CRTAC1: variants seen among roughly 807,000 people sequenced by gnomAD.
The protein encoded by CRTAC1 is acidic secreted protein in cartilage.
CRTAC1 carries 37 observed loss-of-function variants against 67.8 expected under a neutral mutation model. The ratio of observed to expected loss-of-function variants is 0.55; its 90% CI spans 0.42 to 0.72. CRTAC1 has a LOEUF of 0.72. CRTAC1 is among the 30% of genes least tolerant of loss of function. The pLI is 0.00. For synonymous variants in CRTAC1, 348 were observed against 371.0 expected, an observed-to-expected ratio of 0.94 and a Z score of 0.71; for missense variants, 780 against 931.6, an observed-to-expected ratio of 0.84 and a Z score of 2.12.
chr10:97,870,380 T>C (rs1217851691), intron 14 of CRTAC1: 1 of 152,254 alleles, frequency 6.6e-6, no homozygotes, highest in South Asian at 2.1e-4. Flanking sequence ...ATTCCCCTTA[T>C]ATGAAACTGA....
chr10:97,893,655 A>G lies in CRTAC1; in HGVS notation c.1486+1590T>C, dbSNP rs115576382. Among the ~76,000 whole-genome samples the G allele has an allele frequency of 2.4e-3, 359 of 152,262 alleles. 2 individuals are homozygous for G. Among genetic ancestry groups the G allele is most frequent in the Middle Eastern group, 0.01 (3 of 294 alleles). On this transcript the variant is annotated intron_variant, in intron 11 of 14. Transcript: ENST00000370597. ...TGCGCCCTTCACCCAGTTTCACCCA[A>G]TGGTTGCAGGTTGCCTACCCAGGGA...
intron 3 of CRTAC1, among the ~76,000 whole-genome samples, chr10:97,924,449 AGAGGCAGCAGGCTTAGACT>A (rs2050884899): frequency 6.6e-6 from 1 of 152,168 alleles, no homozygotes; most frequent in African/African-American, 2.4e-5. Context: ...GGGCCAGGGA[AGAGGCAGCAGGCTTAGACT>A]GAGGAGAGAC....
chr10:97,896,939 C>T lies in CRTAC1; in HGVS notation c.1186G>A (p.Asp396Asn), dbSNP rs750669625. The T allele has an allele frequency of 8.7e-5, 136 of 1,559,410 alleles. No homozygotes were observed. Among genetic ancestry groups the T allele is most frequent in the Non-Finnish European group, 1.0e-4 (116 of 1,150,908 alleles). Residue 396 changes from aspartate (D) to asparagine (N), a missense_variant, in exon 9 of 15, where the codon GAC (aspartate) becomes AAC (asparagine). Physicochemically the swap from Asp to Asn is conservative, Grantham distance 23 (BLOSUM62 1). Transcript: ENST00000370597. ...CCCCGGCCCTCAGGCTCCAAGGCGT[C>T]GCCGGGATTGAGCTCCTCGATGAGG... Reference protein sequence around the residue: ...DPLIEELNPGDALEPEGRGTG... With the variant: ...DPLIEELNPGNALEPEGRGTG...
rs528765377 is a variant in CRTAC1 at position 97,967,636 on chromosome 10, C to T, written c.225-31270G>A. 7.9e-5 allele frequency among the ~76,000 whole-genome samples: 12 copies of T among 152,200 alleles called. 1 individual carries two copies. In the South Asian group the frequency reaches 2.5e-3, roughly 32 times the overall value. On this transcript the variant is annotated intron_variant, in intron 2 of 14. Coordinates refer to ENST00000370597, the MANE Select transcript of CRTAC1 (RefSeq NM_018058.7). ...ATCTATATTATGTTCACACTGTCTC[C>T]AACTCTAATCCATTACCACATGAAT...
chr10:97,882,697 G>A, intron 13 of CRTAC1, 89 bp downstream of exon 13: 1 of 1,426,266 alleles, frequency 7.0e-7, no homozygotes, highest in Non-Finnish European at 9.9e-7. Context: ...CCCCTTGCTT[G>A]CACCCTGGAC....
intron 6 of CRTAC1, among the ~76,000 whole-genome samples, 160 bp from the exon 7 acceptor site, chr10:97,904,974 A>G (rs1424876427): frequency 6.6e-6 from 1 of 152,118 alleles, no homozygotes; most frequent in African/African-American, 2.4e-5. Context: ...GAAGCTCTCT[A>G]TAGGGGCAGG....
chr10:97,944,307 C>T (rs2136623925), intron 2 of CRTAC1, among the ~76,000 whole-genome samples: 1 of 152,140 alleles, frequency 6.6e-6, no homozygotes, highest in Middle Eastern at 3.4e-3. Context: ...GGTGCACACC[C>T]TGTAATCCCA....
intron 2 of CRTAC1, among the ~76,000 whole-genome samples, chr10:97,976,681 A>G (rs2051809415): frequency 6.6e-6 from 1 of 152,216 alleles, no homozygotes; most frequent in Non-Finnish European, 1.5e-5. Context: ...AAATTGTTCC[A>G]GACTTCTTCA....
At chr10:97,972,230 C>T (rs962354208) in intron 2 of CRTAC1, among the ~76,000 whole-genome samples, 1 of 152,300 alleles carries the variant, frequency 6.6e-6, no homozygotes, top group African/African-American at 2.4e-5. Context: ...AAAGAGAGTA[C>T]CATGAGTCAG....
In CRTAC1 at chr10:97,889,023, C is replaced by T. The variant is rs191891857; in HGVS notation, c.1487-4672G>A. 3.2e-3 allele frequency among the ~76,000 whole-genome samples: 489 copies of T among 151,860 alleles called. 4 individuals are homozygous for T. The highest frequency in any genetic ancestry group is 0.011 in the African/African-American group (463 of 41,398). On this transcript the variant is annotated intron_variant, in intron 11 of 14. Transcript: ENST00000370597. ...TTCCCTAAATGAGCATCAGCCGGCTCGGAGAGGCAGCTCTGAGTCACCTGC... is the reference window on the plus strand; with the variant it reads ...TTCCCTAAATGAGCATCAGCCGGCTTGGAGAGGCAGCTCTGAGTCACCTGC...
At chr10:97,878,549 CTA>C (rs2050172916) in intron 14 of CRTAC1, 24 of 1,241,684 alleles carry the variant, frequency 1.9e-5, no homozygotes, top group Non-Finnish European at 2.4e-5. Flanking sequence ...AAGAATAGAT[CTA>C]TGTTTTATAA....
intron 2 of CRTAC1, among the ~76,000 whole-genome samples, chr10:97,980,548 A>T (rs1267761455): frequency 1.3e-5 from 2 of 152,214 alleles, no homozygotes; most frequent in Non-Finnish European, 1.5e-5. Context: ...GGTGCTTGGG[A>T]CTAATGAGGT....
intron 11 of CRTAC1, among the ~76,000 whole-genome samples, chr10:97,890,117 A>ACACACT (rs1491213037): frequency 7.1e-6 from 1 of 141,684 alleles, no homozygotes; most frequent in African/African-American, 2.6e-5. Flanking sequence ...ACACACACAC[A>ACACACT]CTCTCACACG....
chr10:97,901,661 G>T (rs1380484836), intron 7 of CRTAC1, 22 bp from the exon 8 acceptor site: 2 of 1,613,914 alleles, frequency 1.2e-6, no homozygotes. Flanking sequence ...AAGGCTGGGG[G>T]TCAGTGGCAG....
chr10:98,008,736 A>T (rs987962164), intron 2 of CRTAC1, among the ~76,000 whole-genome samples: 3 of 152,122 alleles, frequency 2.0e-5, no homozygotes, highest in African/African-American at 7.2e-5. Context: ...ACCTGAGGGA[A>T]TACGAGAGTA....
chr10:97,950,240 C>CAGAGAGAGAGGGAG (rs1336847727), intron 2 of CRTAC1, among the ~76,000 whole-genome samples: 19 of 104,224 alleles, frequency 1.8e-4, no homozygotes, highest in African/African-American at 5.5e-4. Context: ...CGTGCACACA[C>CAGAGAGAGAGGGAG]ACACACAGAG....
chr10:97,895,956 C>T lies in CRTAC1; in HGVS notation c.1246G>A (p.Gly416Arg), dbSNP rs1234751891. The T allele has an allele frequency of 5.0e-6, 8 of 1,614,098 alleles. No homozygotes were observed. The highest frequency in any genetic ancestry group is 2.2e-5 in the East Asian group (1 of 44,868). Reference protein sequence around the residue: ...GGVVTDFDGDGMLDLILSHGE... With the variant: ...GGVVTDFDGDRMLDLILSHGE... ...TGGGACAAGATGAGGTCCAGCATCC[C>T]GTCTCCGTCGAAGTCGGTCACCACA... Residue 416 changes from glycine (G) to arginine (R), a missense_variant, in exon 10 of 15, where the codon GGG becomes AGG. By Grantham distance (125) the Gly-to-Arg change is moderately radical. Coordinates refer to ENST00000370597, the MANE Select transcript of CRTAC1 (RefSeq NM_018058.7). The surrounding 1 kb of genome is among the most constrained non-coding windows in gnomAD (Gnocchi z 4.2).
intron 1 of CRTAC1, among the ~76,000 whole-genome samples, chr10:98,024,784 C>A (rs1843192747): frequency 1.5e-5 from 1 of 65,464 alleles, no homozygotes; most frequent in Non-Finnish European, 2.8e-5. Flanking sequence ...TGCTCTAAGA[C>A]CACCTCTCCA....
chr10:97,938,089 T>C (rs2051118175), intron 2 of CRTAC1, among the ~76,000 whole-genome samples: 1 of 152,072 alleles, frequency 6.6e-6, no homozygotes, highest in South Asian at 2.1e-4. Flanking sequence ...CCATAGGGTG[T>C]GAAAGGAGAG....
Sources: allele counts gnomAD v4.1 joint callset (sites outside exome capture counted in the v4.1 genomes callset), GRCh38; gene constraint gnomAD v4.1.1; non-coding constraint Gnocchi (gnomAD v3.1); transcripts MANE v1.5; gene names NCBI Gene and HGNC (gene_info 2026-07-23, HGNC 2026-07-21).